Variants in DPYD observed in about 807,000 individuals in gnomAD.
DPYD encodes the protein dihydropyrimidine dehydrogenase [NADP(+)].
In DPYD, 109 loss-of-function variants were observed where a neutral mutation model predicts 116.2. The observed-to-expected ratio is 0.94, with a 90% CI of 0.80 to 1.10. The LOEUF (loss-of-function observed/expected upper bound fraction) is 1.10, where lower values mean the gene tolerates loss of function less well. Among genes scored for constraint, DPYD ranks in the 50% least tolerant of loss-of-function variants. The probability of loss-of-function intolerance (pLI) is 0.00; values close to 1 mark genes in which losing one functional copy is unlikely to be tolerated. For synonymous variants in DPYD, 440 were observed against 432.0 expected (o/e 1.02, Z -0.23); for missense variants, 1,302 against 1,254.5 (o/e 1.04, Z -0.57).
At chr1:97,730,200 T>C (rs1370274987) in intron 4 of DPYD, among the ~76,000 whole-genome samples, 1 of 152,136 alleles carries the variant, frequency 6.6e-6, no homozygotes, top group Non-Finnish European at 1.5e-5. Flanking sequence ...TATATAATAC[T>C]AGAAACTGAA....
At chr1:97,469,521 G>A (rs1557734060) in intron 13 of DPYD, among the ~76,000 whole-genome samples, 3 of 151,130 alleles carry the variant, frequency 2.0e-5, no homozygotes, top group Non-Finnish European at 2.9e-5. Flanking sequence ...GAATTTTCTG[G>A]TAGTGAAAAT....
intron 3 of DPYD, among the ~76,000 whole-genome samples, chr1:97,763,809 C>G (rs1279743165): frequency 6.6e-6 from 1 of 151,942 alleles, no homozygotes; most frequent in Non-Finnish European, 1.5e-5. Flanking sequence ...CATCAAAATT[C>G]TCAATATTCA....
intron 2 of DPYD, among the ~76,000 whole-genome samples, chr1:97,840,459 C>T (rs896499797): frequency 1.3e-5 from 2 of 152,010 alleles, no homozygotes; most frequent in Non-Finnish European, 2.9e-5. Context: ...TAACTAGATA[C>T]TGTATTTTTC....
chr1:97,106,004 G>A (rs1303919635), intron 20 of DPYD, among the ~76,000 whole-genome samples: 1 of 152,080 alleles, frequency 6.6e-6, no homozygotes, highest in Non-Finnish European at 1.5e-5. Flanking sequence ...ATAGGGCTCT[G>A]AATTCTGGGC....
rs1674477883 is a variant in DPYD, at chr1:97,920,794, T to G, written c.39+90A>C. The stretch of plus-strand genomic sequence containing the variant: ...TTCCCGCGTCTCTCACTCTCCGGGG[T>G]GCGGGGGCCGCGGGGGCCTCCCCGG... On this transcript the variant is annotated intron_variant, in intron 1 of 22. Transcript: ENST00000370192. 2.6e-6 allele frequency: 4 copies of G among 1,513,610 alleles called. No individual in the cohort carries two copies. In the African/African-American group the frequency reaches 4.2e-5, roughly 16 times the overall value. 93.8% of individuals were successfully genotyped at this position (1,513,610 alleles called of 1,614,324 possible).
At chr1:97,459,497 C>T (rs7523116) in intron 13 of DPYD, among the ~76,000 whole-genome samples, 124,968 of 151,942 alleles carry the variant, frequency 0.82, 51,645 homozygotes, top group Non-Finnish European at 0.87. Flanking sequence ...TTGTAGTATA[C>T]AAGAAAGGGA....
chr1:97,348,258 C>A (rs1220247311), intron 16 of DPYD, among the ~76,000 whole-genome samples: 1 of 152,106 alleles, frequency 6.6e-6, no homozygotes. Flanking sequence ...CCTTTTGTTT[C>A]ATGTTCTGAA....
chr1:97,543,056 G>C (rs900947007), intron 12 of DPYD, among the ~76,000 whole-genome samples: 1 of 152,200 alleles, frequency 6.6e-6, no homozygotes, highest in Admixed American at 6.5e-5. Flanking sequence ...TTTACCAAGA[G>C]CTTTCCATAC....
At chr1:97,549,458 A>C in intron 12 of DPYD, 102 bp downstream of exon 12, 8 of 1,240,784 alleles carry the variant, frequency 6.4e-6, no homozygotes, top group Non-Finnish European at 9.4e-6. Context: ...ATATATGCTT[A>C]TTATATACCA....
intron 16 of DPYD, among the ~76,000 whole-genome samples, chr1:97,336,497 C>T (rs1456807664): frequency 6.6e-6 from 1 of 152,134 alleles, no homozygotes; most frequent in Non-Finnish European, 1.5e-5. Context: ...GCCTGTGGTT[C>T]CAGCACTTTG....
At chr1:97,511,590 A>T (rs1647804890) in intron 13 of DPYD, among the ~76,000 whole-genome samples, 1 of 151,990 alleles carries the variant, frequency 6.6e-6, no homozygotes, top group Admixed American at 6.6e-5. Context: ...CAGAGGGCAG[A>T]ACTATATATA....
chr1:97,789,535 G>T (rs1360923727), intron 3 of DPYD, among the ~76,000 whole-genome samples: 1 of 152,162 alleles, frequency 6.6e-6, no homozygotes, highest in Non-Finnish European at 1.5e-5. Context: ...TTATGAAAAT[G>T]AATTTTAGGC....
At chr1:97,218,642 A>G (rs1188751377) in intron 19 of DPYD, among the ~76,000 whole-genome samples, 1 of 151,696 alleles carries the variant, frequency 6.6e-6, no homozygotes, top group Non-Finnish European at 1.5e-5. Context: ...ATGGTTAGGA[A>G]TGGGACCTTT....
intron 20 of DPYD, among the ~76,000 whole-genome samples, chr1:97,111,086 T>C (rs973975708): frequency 1.3e-5 from 2 of 152,040 alleles, no homozygotes; most frequent in Non-Finnish European, 2.9e-5. Flanking sequence ...GGGTAGTACA[T>C]ACACCCCAAA....
rs556931317 is a variant in DPYD at position 97,546,293 on chromosome 1, C to T, written c.1524+3267G>A. Reference sequence around the variant, plus strand: ...AACCTTTAAAAAAAAAAACCTGCACCTGTGCTATTACCACAGTCAAAGCAA... The same window carrying T: ...AACCTTTAAAAAAAAAAACCTGCACTTGTGCTATTACCACAGTCAAAGCAA... On this transcript the variant is annotated intron_variant, in intron 12 of 22. Coordinates refer to ENST00000370192, the MANE Select transcript of DPYD (RefSeq NM_000110.4). 1.3e-4 allele frequency: 187 copies of T among 1,436,114 alleles called. 1 individual carries two copies. The African/African-American group carries it at 2.4e-3, about 18-fold the overall frequency. 89.0% of individuals were successfully genotyped at this position (1,436,114 alleles called of 1,614,324 possible). A position where few individuals can be genotyped will look rare whatever the true frequency, so the allele number is the denominator to read the frequency against.
intron 8 of DPYD, among the ~76,000 whole-genome samples, chr1:97,665,727 A>C (rs1210289482): frequency 1.3e-5 from 2 of 152,220 alleles, no homozygotes; most frequent in Non-Finnish European, 2.9e-5. Context: ...GGTTTTTAAC[A>C]AATTTTGCTA....
intron 13 of DPYD, among the ~76,000 whole-genome samples, chr1:97,490,354 GTATAT>G (rs1242871847): frequency 1.4e-5 from 2 of 146,726 alleles, no homozygotes; most frequent in Non-Finnish European, 3.0e-5. Flanking sequence ...ATATTACATA[GTATAT>G]TATATTATCA....
At chr1:97,877,872 T>C (rs886520145) in intron 2 of DPYD, among the ~76,000 whole-genome samples, 3 of 152,004 alleles carry the variant, frequency 2.0e-5, no homozygotes, top group South Asian at 2.1e-4. Flanking sequence ...GTGAATGAGA[T>C]TGACTGCTAG....
chr1:97,894,807 A>T (rs998654047), intron 1 of DPYD, among the ~76,000 whole-genome samples: 4 of 151,652 alleles, frequency 2.6e-5, no homozygotes, highest in Non-Finnish European at 4.4e-5. Context: ...ACTTTATTTT[A>T]AAATTTCATT....
Sources: gnomAD v4.1 joint callset for allele counts (sites outside exome capture counted in the v4.1 genomes callset) on GRCh38, gnomAD v4.1.1 for gene constraint, MANE v1.5 for transcripts, NCBI Gene and HGNC (gene_info 2026-07-23, HGNC 2026-07-21) for gene names.